The following CATIP variants were observed in gnomAD, a reference collection of about 807,000 sequenced individuals.
CATIP encodes ciliogenesis-associated TTC17-interacting protein.
CATIP carries 40 observed loss-of-function variants against 42.5 expected under a neutral mutation model. The ratio of observed to expected loss-of-function variants is 0.94; its 90% confidence interval spans 0.73 to 1.22. CATIP has a LOEUF of 1.22. Among genes scored for constraint, CATIP ranks in the 50% most tolerant of loss-of-function variants. The probability of loss-of-function intolerance (pLI) is 0.00; values close to 1 mark genes in which losing one functional copy is unlikely to be tolerated. For missense variants in CATIP, 489 were observed against 496.0 expected, an observed-to-expected ratio of 0.99 and a Z score of 0.13; for synonymous variants, 222 against 200.2, an observed-to-expected ratio of 1.11 and a Z score of -0.92.
intron 4 of CATIP, 38 bp downstream of exon 4, chr2:218,358,130 G>C: frequency 6.4e-7 from 1 of 1,559,528 alleles, no homozygotes; most frequent in South Asian, 1.2e-5. Flanking sequence ...CAATCCAGGG[G>C]AGAGAAGACA....
intron 6 of CATIP, among the ~76,000 whole-genome samples, 163 bp downstream of exon 6, chr2:218,363,065 C>T (rs1695290995): frequency 1.3e-5 from 2 of 152,090 alleles, no homozygotes; most frequent in Non-Finnish European, 2.9e-5. Context: ...GCATGTTTGT[C>T]TGGGAGTGTG....
At chr2:218,361,607 G>A (rs936159541) in intron 5 of CATIP, among the ~76,000 whole-genome samples, 1 of 152,296 alleles carries the variant, frequency 6.6e-6, no homozygotes, top group Non-Finnish European at 1.5e-5. Context: ...TTTATCTCAC[G>A]TGAGCAGAGG....
At position 218,367,732 on chromosome 2, in the gene CATIP, G is replaced by A; in HGVS notation, c.932G>A (p.Arg311Gln). Residue 311 changes from arginine to glutamine, a missense_variant, in exon 10 of 10, where the codon CGG (arginine) becomes CAG (glutamine). Transcript: ENST00000289388. Reference sequence around the variant, plus strand: ...TCTGTCCCCTGCCAGGAGGAGCTCCGGCTCGGCCACGCCAGCTATCTGCGG... The same window carrying A: ...TCTGTCCCCTGCCAGGAGGAGCTCCAGCTCGGCCACGCCAGCTATCTGCGG... ...SKFLDRKEEL[R>Q]LGHASYLRQH... 1 of 1,598,784 alleles carries A rather than the reference G, an allele frequency of 6.3e-7. No homozygotes were observed. Among genetic ancestry groups the A allele is most frequent in the South Asian group, 1.1e-5 (1 of 89,690 alleles).
At chr2:218,360,731 A>C in intron 5 of CATIP, 72 bp downstream of exon 5, 1 of 1,191,416 alleles carries the variant, frequency 8.4e-7, no homozygotes, top group Non-Finnish European at 1.2e-6. Context: ...GGTCCAGATC[A>C]ATTTAGAGAG....
chr2:218,362,004 G>A (rs1258720179), intron 5 of CATIP, among the ~76,000 whole-genome samples: 1 of 131,994 alleles, frequency 7.6e-6, no homozygotes, highest in African/African-American at 3.4e-5. Context: ...GCGAGACCCC[G>A]TTCTCCAGAA....
Position 218,367,811 on chromosome 2 carries a change from G to A in CATIP, c.1011G>A (p.Leu337=). The change falls in exon 10 of 10, where the codon CTG becomes CTA. Residue 337 remains leucine (L), a synonymous_variant. Transcript: ENST00000289388. The part of the protein sequence containing the change: ...LISDFLLFLL[L]RQPEDVVTFA... ...CCGACTTCCTGCTCTTCCTGCTGCT[G>A]CGCCAGCCGGAGGACGTGGTCACCT... 1 of 1,612,944 alleles carries A rather than the reference G, an allele frequency of 6.2e-7. No homozygotes were observed. The highest frequency in any genetic ancestry group is 8.5e-7 in the Non-Finnish European group (1 of 1,179,886).
chr2:218,357,566 G>A lies in CATIP; in HGVS notation c.151G>A (p.Glu51Lys). Residue 51 changes from glutamate to lysine, a missense_variant, in exon 3 of 10, where the codon GAG becomes AAG. Physicochemically the swap from Glu to Lys is moderately conservative, Grantham distance 56 (BLOSUM62 1). Coordinates refer to ENST00000289388, the MANE Select transcript of CATIP (RefSeq NM_198559.2). ...GGAGCTACAGATGCTGTTCTTCTCT[G>A]AGACGCTGGCCATGGTCTCAGACAC... ...KEELQMLFFS[E>K]TLAMVSDTGE... The A allele has an allele frequency of 4.3e-6, 7 of 1,614,030 alleles. No homozygotes were observed. The highest frequency in any genetic ancestry group is 5.9e-6 in the Non-Finnish European group (7 of 1,179,992).
chr2:218,357,319 G>C, intron 2 of CATIP, 132 bp downstream of exon 2: 1 of 702,452 alleles, frequency 1.4e-6, no homozygotes, highest in East Asian at 2.9e-5. Context: ...CTCAGAAAAG[G>C]CCTGAGGCCT....
intron 7 of CATIP, chr2:218,366,095 G>A (rs76771376): frequency 0.063 from 9,631 of 151,974 alleles, 361 homozygotes; most frequent in South Asian, 0.13. Context: ...GATAACAGGC[G>A]TGAGCCACTA....
At position 218,362,911 on chromosome 2, in the gene CATIP, T is replaced by C. The variant is rs1371221107; in HGVS notation, c.630+9T>C. The C allele has an allele frequency of 2.5e-6, 4 of 1,603,280 alleles. No homozygotes were observed. Among genetic ancestry groups the C allele is most frequent in the Non-Finnish European group, 3.4e-6 (4 of 1,173,828 alleles). ...TCTGCTATTTGACCTATGTAAGGGG[T>C]CCCCTTGGGCAGGGGACTTGGCTTG... On this transcript the variant is annotated intron_variant, in intron 6 of 9. Coordinates refer to ENST00000289388, the MANE Select transcript of CATIP (RefSeq NM_198559.2).
intron 9 of CATIP, 47 bp downstream of exon 9, chr2:218,367,565 C>T: frequency 6.2e-7 from 1 of 1,606,456 alleles, no homozygotes; most frequent in South Asian, 1.1e-5. Context: ...CCCCATGGGC[C>T]TTAAATTCAT....
intron 4 of CATIP, among the ~76,000 whole-genome samples, chr2:218,358,518 G>A (rs1025502928): frequency 3.9e-5 from 6 of 151,984 alleles, no homozygotes; most frequent in South Asian, 2.1e-4. Flanking sequence ...CCGAGATCGC[G>A]CCACTGCACT....
chr2:218,356,896 G>A lies in CATIP; in HGVS notation c.12G>A (p.Lys4=). ...GGCAGGCCCACAGCATGTCCTCCAA[G>A]GTTTACTCCACAGGTGGGAAGAGGA... MSS[K]VYSTGSRAKD... The change falls in exon 1 of 10, where the codon AAG becomes AAA. Residue 4 remains lysine, a synonymous_variant. Transcript: ENST00000289388. The A allele has an allele frequency of 1.2e-6, 2 of 1,614,106 alleles. No individual in the cohort carries two copies. The highest frequency in any genetic ancestry group is 1.7e-6 in the Non-Finnish European group (2 of 1,180,012).
chr2:218,357,401 G>A (rs1358445752), intron 2 of CATIP, 133 bp from the exon 3 acceptor site: 4 of 795,088 alleles, frequency 5.0e-6, no homozygotes, highest in Non-Finnish European at 8.1e-6. Flanking sequence ...TCACCTGTCC[G>A]TGCCAGTGAG....
chr2:218,364,666 G>A lies in CATIP; in HGVS notation c.669G>A (p.Gln223=), dbSNP rs577658253. 1.2e-6 allele frequency: 2 copies of A among 1,614,092 alleles called. No homozygotes were observed. The highest frequency in any genetic ancestry group is 1.7e-5 in the Admixed American group (1 of 60,016). The change falls in exon 7 of 10, where the codon CAG becomes CAA. Residue 223 remains glutamine, a synonymous_variant. Transcript: ENST00000289388. ...TCCAGACCATCCAGGTAGACCATCA[G>A]CAGGCTGAAGTCTTCATCGTGGAGC... The part of the protein sequence containing the change: ...LGFQTIQVDH[Q]QAEVFIVEQT...
rs1695294102 is a variant in CATIP at position 218,363,154 on chromosome 2, AAAAT to A, written c.630+258_630+261del. On this transcript the variant is annotated intron_variant, in intron 6 of 9. Coordinates refer to ENST00000289388, the MANE Select transcript of CATIP (RefSeq NM_198559.2). ...CTTCCGCACAGAAGTCAGTCCAGGA[AAAAT>A]AAATATAGTGCAGGGCTGATTTAAA... Among the ~76,000 whole-genome samples the A allele has an allele frequency of 2.0e-5, 3 of 152,296 alleles. No homozygotes were observed. The South Asian group carries it at 6.2e-4, about 32-fold the overall frequency.
rs747755421 is a variant in CATIP, at chr2:218,360,653, G to C, written c.456G>C (p.Glu152Asp). The change falls in exon 5 of 10, where the codon GAG becomes GAC. Residue 152 changes from glutamate to aspartate, a missense_variant. By Grantham distance (45) the Glu-to-Asp change is conservative (BLOSUM62 2). Transcript: ENST00000289388. ...DQLAVTRSIK[E>D]GEEVKTGVTS... is the part of the protein sequence containing the mutation. The stretch of plus-strand genomic sequence containing the variant: ...TGGCTGTGACCAGAAGTATCAAGGA[G>C]GGTGAGGTAAGGATGAGAGCCAGAT... 2 of 1,613,356 alleles carry C rather than the reference G, an allele frequency of 1.2e-6. No individual in the cohort carries two copies. Among genetic ancestry groups the C allele is most frequent in the Admixed American group, 3.3e-5 (2 of 59,998 alleles).
At chr2:218,359,906 C>T (rs2106310851) in intron 4 of CATIP, among the ~76,000 whole-genome samples, 1 of 152,042 alleles carries the variant, frequency 6.6e-6, no homozygotes, top group South Asian at 2.1e-4. Flanking sequence ...CTCACTGCAA[C>T]CTTCACCTTC....
chr2:218,360,907 T>A (rs1237657048), intron 5 of CATIP, among the ~76,000 whole-genome samples: 1 of 150,000 alleles, frequency 6.7e-6, no homozygotes, highest in Non-Finnish European at 1.5e-5. Context: ...CTCGGCTCAC[T>A]GCAACCGCCA....
Sources: gnomAD v4.1 joint callset for allele counts (sites outside exome capture counted in the v4.1 genomes callset) on GRCh38, gnomAD v4.1.1 for gene constraint, MANE v1.5 for transcripts, NCBI Gene and HGNC (gene_info 2026-07-23, HGNC 2026-07-21) for gene names.